Variants in RAB27B observed in about 807,000 individuals in gnomAD.
RAB27B encodes the protein RAB27B, member RAS oncogene family.
A neutral mutation model predicts 24.6 loss-of-function variants in RAB27B; 15 were observed. The observed-to-expected ratio is 0.61, with a 90% CI of 0.41 to 0.94. The LOEUF (loss-of-function observed/expected upper bound fraction) is 0.94. Ranked by LOEUF, RAB27B falls within the 40% of genes least tolerant of loss-of-function variation. The pLI, the probability that RAB27B is intolerant of heterozygous loss-of-function variation, is 0.00. For synonymous variants in RAB27B, 105 were observed against 92.5 expected, an observed-to-expected ratio of 1.14 and a Z score of -0.78; for missense variants, 261 against 266.8, an observed-to-expected ratio of 0.98 and a Z score of 0.15.
rs1263123186 is a variant in RAB27B, at chr18:54,893,251, G to A, written c.*3838G>A. On this transcript the variant is annotated 3_prime_UTR_variant, in exon 6 of 6. Coordinates refer to ENST00000262094, the MANE Select transcript of RAB27B (RefSeq NM_004163.4). ...TGAGGGAAAAATCCTCATTCGTAAAGGATTTTGGATGTATAATCTAAAACT... is the reference window on the plus strand; with the variant it reads ...TGAGGGAAAAATCCTCATTCGTAAAAGATTTTGGATGTATAATCTAAAACT... The A allele has an allele frequency of 6.6e-6, 1 of 151,888 alleles. No individual in the cohort carries two copies. The highest frequency in any genetic ancestry group is 2.4e-5 in the African/African-American group (1 of 41,372). The allele number at this position is 151,888 out of a possible 1,614,324, so 9.4% of individuals were successfully genotyped here. A position where few individuals can be genotyped will look rare whatever the true frequency, so the allele number is the denominator to read the frequency against.
At chr18:54,760,409 T>G (rs904625806) in intron 2 of RAB27B, among the ~76,000 whole-genome samples, 1 of 152,158 alleles carries the variant, frequency 6.6e-6, no homozygotes, top group African/African-American at 2.4e-5. Flanking sequence ...GGATGTAGCT[T>G]ATAGACAACT....
chr18:54,726,434 C>T (rs1909539128), intron 2 of RAB27B, among the ~76,000 whole-genome samples: 1 of 151,480 alleles, frequency 6.6e-6, no homozygotes, highest in Non-Finnish European at 1.5e-5. Flanking sequence ...AGATTTTCCC[C>T]ACAGCCTGCC....
At chr18:54,878,709 A>G (rs1349218990) in intron 2 of RAB27B, among the ~76,000 whole-genome samples, 6 of 152,000 alleles carry the variant, frequency 3.9e-5, no homozygotes, top group Admixed American at 3.3e-4. Context: ...AACTGAGTAA[A>G]TATTACATCT....
chr18:54,818,516 T>C (rs1169276494), intron 2 of RAB27B, among the ~76,000 whole-genome samples: 1 of 152,140 alleles, frequency 6.6e-6, no homozygotes, highest in Non-Finnish European at 1.5e-5. Flanking sequence ...CATTTTGTTG[T>C]CCCTACTCCA....
intron 1 of RAB27B, among the ~76,000 whole-genome samples, chr18:54,834,491 T>C (rs968685112): frequency 9.9e-5 from 15 of 152,182 alleles, no homozygotes; most frequent in Non-Finnish European, 2.2e-4. Flanking sequence ...TGTTCAGCTC[T>C]AGACTTGGGC....
chr18:54,773,980 G>C (rs1216610808), intron 2 of RAB27B, among the ~76,000 whole-genome samples: 2 of 152,180 alleles, frequency 1.3e-5, no homozygotes, highest in African/African-American at 4.8e-5. Flanking sequence ...GCCCGGCTGA[G>C]ACAATCTACT....
At chr18:54,858,377 GTTTTTTTTTTTTT>G (rs4071703) in intron 1 of RAB27B, among the ~76,000 whole-genome samples, 6 of 127,852 alleles carry the variant, frequency 4.7e-5, no homozygotes, top group African/African-American at 1.5e-4. Context: ...CAGGAAAACT[GTTTTTTTTTTTTT>G]TTTTTTTTTT....
chr18:54,797,183 G>A (rs940683638), intron 2 of RAB27B, among the ~76,000 whole-genome samples: 6 of 152,214 alleles, frequency 3.9e-5, no homozygotes, highest in Non-Finnish European at 8.8e-5. Context: ...ATAAGAATTT[G>A]GAATTGTTTC....
At chr18:54,769,473 T>C (rs1908476084) in intron 2 of RAB27B, among the ~76,000 whole-genome samples, 2 of 146,800 alleles carry the variant, frequency 1.4e-5, no homozygotes, top group Non-Finnish European at 3.0e-5. Context: ...GTTGTTGTTG[T>C]TAATTTTTGA....
chr18:54,864,615 C>A (rs1337388193), intron 1 of RAB27B, among the ~76,000 whole-genome samples: 1 of 151,650 alleles, frequency 6.6e-6, no homozygotes, highest in African/African-American at 2.4e-5. Flanking sequence ...GGTCTATGAT[C>A]CATTTAATTT....
chr18:54,760,233 TG>T (rs1344209992), intron 2 of RAB27B, among the ~76,000 whole-genome samples: 1 of 152,144 alleles, frequency 6.6e-6, no homozygotes, highest in Admixed American at 6.5e-5. Flanking sequence ...TGTTGAGAGT[TG>T]GGGGCTGAGT....
At chr18:54,801,014 T>TG (rs1035063411) in intron 2 of RAB27B, among the ~76,000 whole-genome samples, 3 of 143,120 alleles carry the variant, frequency 2.1e-5, no homozygotes, top group Non-Finnish European at 4.6e-5. Context: ...CTGTGTTTTT[T>TG]TTTTTTTTTT....
chr18:54,816,240 G>A (rs946040964), intron 2 of RAB27B, among the ~76,000 whole-genome samples: 3 of 152,188 alleles, frequency 2.0e-5, no homozygotes, highest in South Asian at 2.1e-4. Context: ...GGTCCCCACT[G>A]ACCAAATTGA....
chr18:54,859,957 T>G (rs1911947208), intron 1 of RAB27B, among the ~76,000 whole-genome samples: 1 of 152,208 alleles, frequency 6.6e-6, no homozygotes, highest in Non-Finnish European at 1.5e-5. Context: ...TTTTAAAAAC[T>G]CAGCCATGCC....
At position 54,891,436 on chromosome 18, in the gene RAB27B, C is replaced by T. The variant is rs571410723; in HGVS notation, c.*2023C>T. On this transcript the variant is annotated 3_prime_UTR_variant, in exon 6 of 6. Coordinates refer to ENST00000262094, the MANE Select transcript of RAB27B (RefSeq NM_004163.4). Reference sequence around the variant, plus strand: ...GCTCTTCATTATCTCAATGCCTGTGCCATGAAGATAGAAAACTGTAAGCTA... The same window carrying T: ...GCTCTTCATTATCTCAATGCCTGTGTCATGAAGATAGAAAACTGTAAGCTA... The T allele has an allele frequency of 3.9e-5, 6 of 152,090 alleles. No individual in the cohort carries two copies. The South Asian group carries it at 1.2e-3, about 32-fold the overall frequency. 9.4% of individuals were successfully genotyped at this position (152,090 alleles called of 1,614,324 possible).
intron 2 of RAB27B, among the ~76,000 whole-genome samples, chr18:54,767,408 G>C (rs376956880): frequency 2.6e-5 from 4 of 152,224 alleles, no homozygotes; most frequent in African/African-American, 7.2e-5. Context: ...TGAGGTAATG[G>C]TCATGAGGGT....
intron 2 of RAB27B, among the ~76,000 whole-genome samples, chr18:54,755,673 T>C (rs1907982436): frequency 2.0e-5 from 3 of 152,212 alleles, no homozygotes; most frequent in Non-Finnish European, 4.4e-5. Flanking sequence ...TTTGCAGTAA[T>C]TTTATTGTGC....
At chr18:54,753,971 C>G (rs1907918044) in intron 2 of RAB27B, among the ~76,000 whole-genome samples, 1 of 152,126 alleles carries the variant, frequency 6.6e-6, no homozygotes, top group Non-Finnish European at 1.5e-5. Flanking sequence ...AAATGGTGCC[C>G]TGTTTACAGA....
At chr18:54,878,752 A>AT (rs1436485676) in intron 2 of RAB27B, among the ~76,000 whole-genome samples, 1 of 24,672 alleles carries the variant, frequency 4.1e-5, no homozygotes, top group East Asian at 0.071. Context: ...AAAAGGCCAG[A>AT]ATTTTTTTAA....
Sources: gnomAD v4.1 joint callset for allele counts (sites outside exome capture counted in the v4.1 genomes callset) on GRCh38, gnomAD v4.1.1 for gene constraint, MANE v1.5 for transcripts, NCBI Gene and HGNC (gene_info 2026-07-23, HGNC 2026-07-21) for gene names.